The following MAGI1 variants were observed in gnomAD, a reference collection of about 807,000 sequenced individuals.
The protein encoded by MAGI1 is membrane-associated guanylate kinase, WW and PDZ domain-containing protein 1.
In MAGI1, 58 loss-of-function variants were observed where a neutral mutation model predicts 139.9. The ratio of observed to expected loss-of-function variants is 0.41; its 90% CI spans 0.34 to 0.52. The LOEUF (loss-of-function observed/expected upper bound fraction) is 0.52, where lower values mean the gene tolerates loss of function less well. MAGI1 is among the 20% of genes least tolerant of loss of function. The pLI, the probability that MAGI1 is intolerant of heterozygous loss-of-function variation, is 0.12. For missense variants in MAGI1, 1,874 were observed against 1,901.6 expected (o/e 0.99, Z 0.27); for synonymous variants, 812 against 737.9 (o/e 1.10, Z -1.63).
chr3:65,687,525 T>C, intron 1 of MAGI1: 2 of 373,716 alleles, frequency 5.4e-6, no homozygotes, highest in South Asian at 4.5e-5. Flanking sequence ...GCCTCTTACT[T>C]TTCCCTGGTG....
At chr3:65,895,742 T>C (rs264674) in intron 1 of MAGI1, among the ~76,000 whole-genome samples, 88,760 of 152,030 alleles carry the variant, frequency 0.58, 27,303 homozygotes, top group African/African-American at 0.79. Flanking sequence ...CATTTTAACA[T>C]TGAAAAACAG....
At chr3:65,914,414 CA>C (rs1225575475) in intron 1 of MAGI1, among the ~76,000 whole-genome samples, 2 of 152,204 alleles carry the variant, frequency 1.3e-5, no homozygotes, top group East Asian at 1.9e-4. Context: ...CAAATGCCAT[CA>C]GGGGCCATGC....
chr3:65,726,740 C>T (rs1055589613), intron 1 of MAGI1, among the ~76,000 whole-genome samples: 2 of 151,958 alleles, frequency 1.3e-5, no homozygotes, highest in South Asian at 4.2e-4. Context: ...CTCTTGGGGG[C>T]CTGGGTAGGG....
intron 1 of MAGI1, among the ~76,000 whole-genome samples, chr3:65,938,822 G>C (rs1560034092): frequency 6.6e-6 from 1 of 152,128 alleles, no homozygotes; most frequent in South Asian, 2.1e-4. Flanking sequence ...TATTGTGATA[G>C]ACTGGCAGAG....
At chr3:65,481,987 GATA>G (rs1951321678) in intron 3 of MAGI1, among the ~76,000 whole-genome samples, 1 of 152,212 alleles carries the variant, frequency 6.6e-6, no homozygotes. Context: ...AGATAAAGTA[GATA>G]ATATTAGATT....
At chr3:65,611,082 C>T (rs1156360252) in intron 2 of MAGI1, among the ~76,000 whole-genome samples, 1 of 133,522 alleles carries the variant, frequency 7.5e-6, no homozygotes, top group Non-Finnish European at 1.5e-5. Flanking sequence ...AGTATATGTA[C>T]TATATACATA....
At chr3:65,450,367 T>C (rs917482324) in intron 6 of MAGI1, among the ~76,000 whole-genome samples, 1 of 152,044 alleles carries the variant, frequency 6.6e-6, no homozygotes, top group African/African-American at 2.4e-5. Context: ...GAATGGAAGA[T>C]GCGGTGAAAA....
chr3:65,509,391 T>A (rs1043860689), intron 2 of MAGI1, among the ~76,000 whole-genome samples: 2 of 151,976 alleles, frequency 1.3e-5, no homozygotes, highest in Non-Finnish European at 2.9e-5. Flanking sequence ...CCATCTGAGG[T>A]ACCGGGTTTA....
chr3:65,512,478 C>T (rs1445452026), intron 2 of MAGI1, among the ~76,000 whole-genome samples: 4 of 148,538 alleles, frequency 2.7e-5, no homozygotes, highest in Non-Finnish European at 6.0e-5. Context: ...GGGGATATCA[C>T]CACCGATCCC....
intron 2 of MAGI1, chr3:65,549,499 C>T (rs987470332): frequency 1.0e-6 from 1 of 985,212 alleles, no homozygotes; most frequent in African/African-American, 1.7e-5. Flanking sequence ...CCCCGCGCGT[C>T]TGAGCGGCCC....
chr3:65,403,761 CCTTCT>C (rs1244170031), intron 12 of MAGI1, among the ~76,000 whole-genome samples: 1 of 152,126 alleles, frequency 6.6e-6, no homozygotes, highest in Non-Finnish European at 1.5e-5. Flanking sequence ...TCTTCAAATC[CCTTCT>C]CTTAAGAGCT....
At chr3:65,363,657 A>G in intron 20 of MAGI1, 49 bp from the exon 21 acceptor site, 2 of 1,541,526 alleles carry the variant, frequency 1.3e-6, no homozygotes, top group Non-Finnish European at 1.8e-6. Flanking sequence ...TAATATCCAT[A>G]GGACTCTTCC....
intron 15 of MAGI1, among the ~76,000 whole-genome samples, chr3:65,382,591 T>C (rs971866170): frequency 7.2e-5 from 11 of 152,220 alleles, no homozygotes; most frequent in African/African-American, 2.7e-4. Flanking sequence ...CTTGCTGTTA[T>C]ATTTGCCATT....
chr3:66,000,706 G>C (rs917738909), intron 1 of MAGI1, among the ~76,000 whole-genome samples: 6 of 152,236 alleles, frequency 3.9e-5, no homozygotes, highest in African/African-American at 1.4e-4. Context: ...CAGCACAAGG[G>C]GCTTGGCCCA....
chr3:65,384,797 G>GTA (rs1413233019), intron 14 of MAGI1, among the ~76,000 whole-genome samples: 1 of 151,868 alleles, frequency 6.6e-6, no homozygotes, highest in Non-Finnish European at 1.5e-5. Flanking sequence ...GTGTGTGTGT[G>GTA]TGTGTGTGTG....
chr3:65,815,567 C>T (rs993662774), intron 1 of MAGI1, among the ~76,000 whole-genome samples: 1 of 151,972 alleles, frequency 6.6e-6, no homozygotes, highest in African/African-American at 2.4e-5. Context: ...AGAGCAAAAT[C>T]CATGAAGTCA....
At chr3:65,905,367 T>C (rs922564746) in intron 1 of MAGI1, among the ~76,000 whole-genome samples, 2 of 152,102 alleles carry the variant, frequency 1.3e-5, no homozygotes, top group Admixed American at 6.5e-5. Flanking sequence ...TCTTGTGCAA[T>C]TACATTTCTT....
chr3:65,739,174 A>G (rs752132112), intron 1 of MAGI1, among the ~76,000 whole-genome samples: 2 of 152,238 alleles, frequency 1.3e-5, no homozygotes, highest in East Asian at 1.9e-4. Flanking sequence ...AGCTTCTACA[A>G]TAGTACTTGC....
intron 1 of MAGI1, among the ~76,000 whole-genome samples, chr3:65,670,811 A>C (rs1466389387): frequency 6.6e-6 from 1 of 152,166 alleles, no homozygotes; most frequent in Non-Finnish European, 1.5e-5. Context: ...ACTAGATATA[A>C]ACAGAAAAAT....
Sources: gnomAD v4.1 joint callset for allele counts (sites outside exome capture counted in the v4.1 genomes callset) on GRCh38, gnomAD v4.1.1 for gene constraint, MANE v1.5 for transcripts, NCBI Gene and HGNC (gene_info 2026-07-23, HGNC 2026-07-21) for gene names.